C12orf75: variants seen among roughly 807,000 people sequenced by gnomAD.
C12orf75 encodes the protein overexpressed in colon carcinoma 1 protein.
C12orf75 carries 4 observed loss-of-function variants against 11.4 expected under a neutral mutation model. The observed-to-expected ratio is 0.35, with a 90% CI of 0.17 to 0.80. C12orf75 has a LOEUF of 0.80. Ranked by LOEUF, C12orf75 falls within the 30% of genes least tolerant of loss-of-function variation. C12orf75 has a pLI of 0.52. For synonymous variants in C12orf75, 30 were observed against 30.0 expected (o/e 1.00, Z 0.00); for missense variants, 89 against 80.4 (o/e 1.11, Z -0.41).
At chr12:105,348,193 T>G (rs1735174053) in intron 1 of C12orf75, among the ~76,000 whole-genome samples, 1 of 152,066 alleles carries the variant, frequency 6.6e-6, no homozygotes, top group South Asian at 2.1e-4. Context: ...GGTGGGAGGA[T>G]TGCTTAAGCC....
chr12:105,360,338 C>A (rs1892844329), intron 2 of C12orf75, among the ~76,000 whole-genome samples: 1 of 152,232 alleles, frequency 6.6e-6, no homozygotes, highest in Admixed American at 6.5e-5. Context: ...AGAAAATAAT[C>A]ACATCCTTGG....
At chr12:105,364,637 T>G (rs1871409531) in intron 2 of C12orf75, among the ~76,000 whole-genome samples, 2 of 152,156 alleles carry the variant, frequency 1.3e-5, no homozygotes, top group African/African-American at 4.8e-5. Context: ...TCAATGACAT[T>G]TAGATGTTTG....
intron 1 of C12orf75, among the ~76,000 whole-genome samples, chr12:105,339,721 T>G (rs1414427006): frequency 6.6e-6 from 1 of 151,950 alleles, no homozygotes; most frequent in Non-Finnish European, 1.5e-5. Context: ...GGTTCATGCC[T>G]TTTTCCCGCC....
In C12orf75 at chr12:105,355,168, C is replaced by CTTTTTTTTTTTTTTTTTTT. The variant is rs200950023; in HGVS notation, c.71+6547_71+6548insTTTTTTTTTTTTTTTTTTT. 8.1e-5 allele frequency among the ~76,000 whole-genome samples: 6 copies of CTTTTTTTTTTTTTTTTTTT among 74,226 alleles called. 2 individuals carry two copies. The highest frequency in any genetic ancestry group is 9.1e-5 in the African/African-American group (2 of 21,906). 48.7% of individuals were successfully genotyped at this position (74,226 alleles called of 152,430 possible). On this transcript the variant is annotated intron_variant, in intron 2 of 5. Transcript: ENST00000443585. ...GGGTGGTTTTCACGAATTTCTTTTT[C>CTTTTTTTTTTTTTTTTTTT]TTTTTCTTTTTCTTTTTTTTTTTCA...
chr12:105,365,954 G>A (rs910528195), intron 3 of C12orf75, 112 bp downstream of exon 3: 2 of 775,998 alleles, frequency 2.6e-6, no homozygotes, highest in Admixed American at 2.0e-5. Flanking sequence ...GAAAACTGTT[G>A]GCACAGAGAA....
intron 1 of C12orf75, among the ~76,000 whole-genome samples, chr12:105,335,152 A>G (rs1394262905): frequency 6.6e-6 from 1 of 152,226 alleles, no homozygotes; most frequent in Non-Finnish European, 1.5e-5. Flanking sequence ...ATGTAACAAT[A>G]GTCCGAGGGG....
chr12:105,334,746 T>C (rs1057240607), intron 1 of C12orf75, among the ~76,000 whole-genome samples: 5 of 152,206 alleles, frequency 3.3e-5, no homozygotes, highest in Admixed American at 6.5e-5. Context: ...CACTTGTTTT[T>C]CCCCCGAGCA....
At chr12:105,363,934 G>A (rs994185350) in intron 2 of C12orf75, among the ~76,000 whole-genome samples, 7 of 152,118 alleles carry the variant, frequency 4.6e-5, no homozygotes, top group African/African-American at 1.7e-4. Flanking sequence ...AATTTAACAG[G>A]AGAAAGTAAA....
chr12:105,349,886 A>C (rs1364179517), intron 2 of C12orf75, among the ~76,000 whole-genome samples: 2 of 152,040 alleles, frequency 1.3e-5, no homozygotes, highest in African/African-American at 2.4e-5. Context: ...CAAAAAAAAG[A>C]AAAAAAAGAG....
At position 105,366,695 on chromosome 12, in the gene C12orf75, A is replaced by G; in HGVS notation, c.186A>G (p.Lys62=). 1 of 1,500,716 alleles carries G rather than the reference A, an allele frequency of 6.7e-7. No individual in the cohort carries two copies. The highest frequency in any genetic ancestry group is 9.1e-7 in the Non-Finnish European group (1 of 1,101,342). 93.0% of individuals were successfully genotyped at this position (1,500,716 alleles called of 1,614,324 possible). A position where few individuals can be genotyped will look rare whatever the true frequency, so the allele number is the denominator to read the frequency against. The part of the protein sequence containing the change: ...MVSSQTKTVR[K]N ...CCAGTCAAACAAAGACGGTTCGGAA[A>G]AGTAAGTGAAATCATGTGCTGTTGA... is the stretch of plus-strand genomic sequence containing the variant. The change falls in exon 4 of 6, where the codon AAA becomes AAG. Residue 62 remains lysine, a splice_region_variant and synonymous_variant. Coordinates refer to ENST00000443585, the MANE Select transcript of C12orf75 (RefSeq NM_001145199.2).
chr12:105,361,196 T>A (rs1022620127), intron 2 of C12orf75, among the ~76,000 whole-genome samples: 4 of 152,292 alleles, frequency 2.6e-5, no homozygotes, highest in African/African-American at 7.2e-5. Flanking sequence ...ACCTGGCTAC[T>A]TTTATTTTAT....
chr12:105,336,364 AGGCT>A (rs1309448666), intron 1 of C12orf75, among the ~76,000 whole-genome samples: 1 of 152,224 alleles, frequency 6.6e-6, no homozygotes, highest in Non-Finnish European at 1.5e-5. Flanking sequence ...CAATTTGCTG[AGGCT>A]GTCTGTTCCT....
chr12:105,367,512 G>C lies in C12orf75; in HGVS notation c.*33+3G>C. ...CATCATGACTCAAGAATCAAGAGGT[G>C]CTGTATATTTTTCTAAATAATTCTA... On this transcript the variant is annotated splice_donor_region_variant and intron_variant, in intron 5 of 5. Coordinates refer to ENST00000443585, the MANE Select transcript of C12orf75 (RefSeq NM_001145199.2). The C allele has an allele frequency of 1.3e-6, 1 of 775,780 alleles. No homozygotes were observed. The highest frequency in any genetic ancestry group is 2.0e-5 in the South Asian group (1 of 49,512). 48.1% of individuals were successfully genotyped at this position (775,780 alleles called of 1,614,324 possible). A position where few individuals can be genotyped will look rare whatever the true frequency, so the allele number is the denominator to read the frequency against.
chr12:105,364,955 C>T (rs948210078), intron 2 of C12orf75, among the ~76,000 whole-genome samples: 18 of 151,706 alleles, frequency 1.2e-4, no homozygotes, highest in African/African-American at 4.1e-4. Flanking sequence ...ATTCCTGTGC[C>T]TCAGCCTCTT....
At chr12:105,365,909 C>A in intron 3 of C12orf75, 67 bp downstream of exon 3, 1 of 956,458 alleles carries the variant, frequency 1.0e-6, no homozygotes, top group Non-Finnish European at 1.7e-6. Context: ...ATTTAACACA[C>A]TGTAGCATAT....
At chr12:105,346,884 T>C (rs1253097730) in intron 1 of C12orf75, among the ~76,000 whole-genome samples, 2 of 152,262 alleles carry the variant, frequency 1.3e-5, no homozygotes, top group African/African-American at 4.8e-5. Context: ...AATTTCTATT[T>C]AATATATATC....
chr12:105,365,091 C>T (rs1242553588), intron 2 of C12orf75, among the ~76,000 whole-genome samples: 2 of 152,066 alleles, frequency 1.3e-5, no homozygotes, highest in East Asian at 3.9e-4. Flanking sequence ...CCCGCCTCGG[C>T]CTCCCAAAGT....
intron 2 of C12orf75, among the ~76,000 whole-genome samples, chr12:105,355,189 T>TTTTC (rs1555265699): frequency 5.0e-5 from 7 of 139,556 alleles, no homozygotes; most frequent in East Asian, 2.2e-4. Context: ...TCTTTTTTTT[T>TTTTC]TTCAGAGTTT....
chr12:105,343,867 C>T (rs1892603907), intron 1 of C12orf75, among the ~76,000 whole-genome samples: 1 of 152,170 alleles, frequency 6.6e-6, no homozygotes, highest in Admixed American at 6.5e-5. Flanking sequence ...ATCATACACA[C>T]ACACAGACAC....
Sources: allele counts gnomAD v4.1 joint callset (sites outside exome capture counted in the v4.1 genomes callset), GRCh38; gene constraint gnomAD v4.1.1; transcripts MANE v1.5; gene names NCBI Gene and HGNC (gene_info 2026-07-23, HGNC 2026-07-21).